The following CSMD1 variants were observed in gnomAD, a reference collection of about 807,000 sequenced individuals.
The protein encoded by CSMD1 is CUB and sushi domain-containing protein 1.
Under a neutral mutation model 417.5 loss-of-function variants are expected in CSMD1, and 213 were observed. The ratio of observed to expected loss-of-function variants is 0.51; its 90% confidence interval spans 0.46 to 0.57. The LOEUF is 0.57. Ranked by LOEUF, CSMD1 falls within the 20% of genes least tolerant of loss-of-function variation. The pLI is 0.00. For synonymous variants in CSMD1, 2,862 were observed against 1,736.8 expected (o/e 1.65, Z -16.11); for missense variants, 6,923 against 4,529.7 (o/e 1.53, Z -15.17).
intron 10 of CSMD1, among the ~76,000 whole-genome samples, chr8:3,520,771 G>C (rs776204212): frequency 3.3e-5 from 5 of 151,926 alleles, no homozygotes; most frequent in African/African-American, 1.2e-4. Context: ...TCACCAGCCA[G>C]TCTCCAAACC....
intron 33 of CSMD1, among the ~76,000 whole-genome samples, chr8:3,193,574 T>C (rs1422889090): frequency 6.6e-6 from 1 of 152,190 alleles, no homozygotes; most frequent in Non-Finnish European, 1.5e-5. Flanking sequence ...AGAAAAATTC[T>C]ATTGTCTGTC....
chr8:3,043,670 T>C (rs776144046), intron 50 of CSMD1: 1 of 152,064 alleles, frequency 6.6e-6, no homozygotes, highest in Non-Finnish European at 1.5e-5. Context: ...GTTTTTTTCA[T>C]GCAAAAATCA....
intron 7 of CSMD1, among the ~76,000 whole-genome samples, chr8:3,650,971 A>T (rs895478209): frequency 7.2e-5 from 11 of 152,158 alleles, no homozygotes; most frequent in Non-Finnish European, 2.9e-5. Flanking sequence ...CCCTATAGTA[A>T]ACACCTTTAT....
At chr8:4,298,645 T>A (rs1247366960) in intron 3 of CSMD1, among the ~76,000 whole-genome samples, 1 of 152,104 alleles carries the variant, frequency 6.6e-6, no homozygotes, top group Non-Finnish European at 1.5e-5. Context: ...CACAATTTAG[T>A]TTTAATACAG....
chr8:3,762,039 C>T (rs1049097016), intron 5 of CSMD1, among the ~76,000 whole-genome samples: 26 of 152,106 alleles, frequency 1.7e-4, no homozygotes, highest in Non-Finnish European at 2.9e-5. Flanking sequence ...TCCTTGTGCC[C>T]TCCTATAGTC....
intron 40 of CSMD1, among the ~76,000 whole-genome samples, chr8:3,145,192 C>A (rs1049661953): frequency 6.6e-6 from 1 of 152,052 alleles, no homozygotes; most frequent in Non-Finnish European, 1.5e-5. Context: ...AAGAAGCTGA[C>A]CCGAGAGTAA....
At chr8:3,808,415 C>T (rs1257242884) in intron 5 of CSMD1, among the ~76,000 whole-genome samples, 2 of 152,118 alleles carry the variant, frequency 1.3e-5, no homozygotes, top group East Asian at 1.9e-4. Flanking sequence ...AGTTTTACTA[C>T]TCAACCAAAA....
At chr8:3,330,304 G>A (rs573321114) in intron 23 of CSMD1, among the ~76,000 whole-genome samples, 27 of 152,264 alleles carry the variant, frequency 1.8e-4, no homozygotes, top group Admixed American at 3.3e-4. Flanking sequence ...GCATATGTTC[G>A]ATGCAGCAGT....
At chr8:4,608,098 C>T (rs1405597458) in intron 2 of CSMD1, among the ~76,000 whole-genome samples, 2 of 152,162 alleles carry the variant, frequency 1.3e-5, no homozygotes, top group African/African-American at 4.8e-5. Flanking sequence ...TCGAAACCAA[C>T]AACAAGGTGA....
intron 1 of CSMD1, among the ~76,000 whole-genome samples, chr8:4,870,654 T>C (rs1173824554): frequency 6.6e-6 from 1 of 152,064 alleles, no homozygotes; most frequent in Non-Finnish European, 1.5e-5. Context: ...AGTGAGGGAA[T>C]GGAGAAACAG....
intron 34 of CSMD1, among the ~76,000 whole-genome samples, chr8:3,189,418 G>C (rs1204976343): frequency 6.6e-6 from 1 of 152,196 alleles, no homozygotes; most frequent in Non-Finnish European, 1.5e-5. Context: ...CAAGAGAAGA[G>C]GCGCTTAAAA....
At chr8:4,000,730 T>G (rs1397227849) in intron 4 of CSMD1, among the ~76,000 whole-genome samples, 2 of 151,996 alleles carry the variant, frequency 1.3e-5, no homozygotes, top group African/African-American at 4.8e-5. Flanking sequence ...TTGTTTTTCA[T>G]GTATAAATAT....
chr8:4,346,625 G>GA (rs936995997), intron 3 of CSMD1, among the ~76,000 whole-genome samples: 6 of 151,988 alleles, frequency 3.9e-5, no homozygotes, highest in South Asian at 2.1e-4. Context: ...AAATTTAAAA[G>GA]AAAAAAATGG....
intron 3 of CSMD1, among the ~76,000 whole-genome samples, chr8:4,158,690 G>C (rs1055388143): frequency 6.6e-6 from 1 of 152,094 alleles, no homozygotes; most frequent in Non-Finnish European, 1.5e-5. Flanking sequence ...TGGGCCAGCA[G>C]CTATTCCTAA....
intron 51 of CSMD1, among the ~76,000 whole-genome samples, chr8:3,026,615 C>A (rs567466897): frequency 6.6e-6 from 1 of 152,154 alleles, no homozygotes; most frequent in Admixed American, 6.5e-5. Flanking sequence ...CTCACTGGAC[C>A]TCACCGGGCC....
intron 5 of CSMD1, among the ~76,000 whole-genome samples, chr8:3,938,250 TA>T (rs200978265): frequency 6.6e-6 from 1 of 152,040 alleles, no homozygotes; most frequent in African/African-American, 2.4e-5. Flanking sequence ...CTTTACTGTT[TA>T]AAAAAAATTA....
intron 5 of CSMD1, among the ~76,000 whole-genome samples, chr8:3,966,211 G>C (rs996271666): frequency 2.0e-5 from 3 of 152,098 alleles, no homozygotes; most frequent in Non-Finnish European, 4.4e-5. Context: ...ATGCCAGATT[G>C]CCAGCTTATT....
At chr8:3,993,996 G>C (rs962080591) in intron 5 of CSMD1, among the ~76,000 whole-genome samples, 1 of 152,166 alleles carries the variant, frequency 6.6e-6, no homozygotes, top group Admixed American at 6.5e-5. Flanking sequence ...AAACTGCAAG[G>C]GGATGGGCGT....
intron 25 of CSMD1, among the ~76,000 whole-genome samples, chr8:3,287,853 G>C (rs1412170625): frequency 2.0e-5 from 3 of 148,906 alleles, no homozygotes; most frequent in African/African-American, 5.2e-5. Context: ...AATAGGACTG[G>C]TGAGAGAGGG....
Sources: allele counts gnomAD v4.1 joint callset (sites outside exome capture counted in the v4.1 genomes callset), GRCh38; gene constraint gnomAD v4.1.1; transcripts MANE v1.5; gene names NCBI Gene and HGNC (gene_info 2026-07-23, HGNC 2026-07-21).